Variants in TTC27 observed in about 807,000 individuals in gnomAD.
TTC27 encodes the protein tetratricopeptide repeat protein 27.
A neutral mutation model predicts 115.9 loss-of-function variants in TTC27; 79 were observed. The ratio of observed to expected loss-of-function variants is 0.68; its 90% CI spans 0.57 to 0.82. The LOEUF (loss-of-function observed/expected upper bound fraction) is 0.82. Ranked by LOEUF, TTC27 falls within the 40% of genes least tolerant of loss-of-function variation. The pLI, the probability that TTC27 is intolerant of heterozygous loss-of-function variation, is 0.00. For missense variants in TTC27, 1,054 were observed against 993.1 expected (o/e 1.06, Z -0.82); for synonymous variants, 401 against 356.0 (o/e 1.13, Z -1.42).
At chr2:32,820,392 G>A (rs1671649229) in intron 19 of TTC27, among the ~76,000 whole-genome samples, 1 of 152,100 alleles carries the variant, frequency 6.6e-6, no homozygotes. Context: ...TGGTCTCTGA[G>A]GCCTAAGCGA....
intron 4 of TTC27, among the ~76,000 whole-genome samples, chr2:32,641,694 T>C (rs1021532654): frequency 6.6e-6 from 1 of 152,094 alleles, no homozygotes; most frequent in African/African-American, 2.4e-5. Context: ...CTTTTTTTTT[T>C]CGAGATGGAG....
In TTC27 at chr2:32,784,148, C is replaced by T. The variant is rs944781743; in HGVS notation, c.1832+1470C>T. On this transcript the variant is annotated intron_variant, in intron 15 of 19. Coordinates refer to ENST00000317907, the MANE Select transcript of TTC27 (RefSeq NM_017735.5). ...GAATGATCTCAGTGAGTTTTTCTGG[C>T]AACCCGGATAAGTTTGTACATAGTG... Among the ~76,000 whole-genome samples, 6 of 152,284 alleles carry T rather than the reference C, an allele frequency of 3.9e-5. No individual in the cohort carries two copies. The East Asian group carries it at 1.2e-3, about 29-fold the overall frequency.
At chr2:32,793,784 A>T (rs1444905136) in intron 16 of TTC27, among the ~76,000 whole-genome samples, 2 of 152,130 alleles carry the variant, frequency 1.3e-5, no homozygotes. Flanking sequence ...CGGCCTCCCA[A>T]AGTGCTGGGA....
chr2:32,795,176 G>A (rs2148030172), intron 16 of TTC27, among the ~76,000 whole-genome samples: 1 of 150,180 alleles, frequency 6.7e-6, no homozygotes, highest in Non-Finnish European at 1.5e-5. Context: ...AATCTCTTAT[G>A]AATATTGATG....
intron 13 of TTC27, among the ~76,000 whole-genome samples, chr2:32,777,180 G>A (rs982379629): frequency 6.6e-6 from 1 of 152,220 alleles, no homozygotes; most frequent in Non-Finnish European, 1.5e-5. Context: ...TCTTGGTTAA[G>A]CTGCAGAAGT....
intron 18 of TTC27, among the ~76,000 whole-genome samples, chr2:32,816,505 G>A (rs1671505544): frequency 1.3e-5 from 2 of 152,162 alleles, no homozygotes; most frequent in Non-Finnish European, 2.9e-5. Context: ...CATTATGTTT[G>A]TACAAAGCTC....
intron 10 of TTC27, among the ~76,000 whole-genome samples, chr2:32,711,529 G>A (rs939766386): frequency 6.6e-6 from 1 of 152,142 alleles, no homozygotes; most frequent in Non-Finnish European, 1.5e-5. Flanking sequence ...AGAGGAAAAT[G>A]ATTTTAAAAT....
intron 13 of TTC27, among the ~76,000 whole-genome samples, chr2:32,771,335 A>G (rs1213627285): frequency 8.5e-5 from 13 of 152,188 alleles, no homozygotes; most frequent in Admixed American, 7.9e-4. Flanking sequence ...TAGAAAAACC[A>G]TTGTTGCCCC....
intron 13 of TTC27, among the ~76,000 whole-genome samples, chr2:32,773,258 C>T (rs55827252): frequency 6.6e-6 from 1 of 152,184 alleles, no homozygotes; most frequent in Non-Finnish European, 1.5e-5. Flanking sequence ...GAAATAAGCT[C>T]TGCAGAAATC....
chr2:32,738,513 G>C (rs564748371), intron 12 of TTC27, among the ~76,000 whole-genome samples: 1 of 152,278 alleles, frequency 6.6e-6, no homozygotes, highest in South Asian at 2.1e-4. Context: ...TCAGGTGGCT[G>C]TCCTGTCAGG....
intron 9 of TTC27, among the ~76,000 whole-genome samples, chr2:32,689,362 C>T (rs980920982): frequency 1.3e-5 from 2 of 152,080 alleles, no homozygotes; most frequent in Non-Finnish European, 2.9e-5. Flanking sequence ...TTATTTAGAG[C>T]TATACTATTT....
At chr2:32,646,857 C>A (rs1404094332) in intron 4 of TTC27, among the ~76,000 whole-genome samples, 1 of 151,922 alleles carries the variant, frequency 6.6e-6, no homozygotes. Flanking sequence ...GCCACCGCGC[C>A]CGGCCTCTAT....
intron 13 of TTC27, among the ~76,000 whole-genome samples, chr2:32,760,004 C>T (rs1217312414): frequency 2.0e-5 from 3 of 152,154 alleles, no homozygotes; most frequent in African/African-American, 7.2e-5. Context: ...TTGATGGATA[C>T]TTGGCTTACT....
At chr2:32,756,948 G>A (rs536177356) in intron 12 of TTC27, among the ~76,000 whole-genome samples, 3 of 152,298 alleles carry the variant, frequency 2.0e-5, no homozygotes, top group Non-Finnish European at 4.4e-5. Flanking sequence ...ATTAGCCTGA[G>A]TGATGAGGTA....
intron 12 of TTC27, among the ~76,000 whole-genome samples, chr2:32,740,595 G>T (rs981505740): frequency 3.9e-5 from 6 of 152,004 alleles, no homozygotes; most frequent in Admixed American, 3.9e-4. Context: ...TGTTTCCAGG[G>T]TTAAGTCTGA....
At chr2:32,679,178 G>C (rs17012057) in intron 9 of TTC27, among the ~76,000 whole-genome samples, 10,816 of 152,262 alleles carry the variant, frequency 0.071, 431 homozygotes, top group East Asian at 0.13. Flanking sequence ...GAGACCATGG[G>C]TTAAAAAGAT....
At chr2:32,767,659 C>T (rs1252540185) in intron 13 of TTC27, among the ~76,000 whole-genome samples, 2 of 151,286 alleles carry the variant, frequency 1.3e-5, no homozygotes, top group African/African-American at 4.8e-5. Context: ...GACGGGGTTT[C>T]ACCTTGTTAG....
chr2:32,782,330 T>A (rs1334806042), intron 14 of TTC27, among the ~76,000 whole-genome samples: 1 of 152,204 alleles, frequency 6.6e-6, no homozygotes, highest in African/African-American at 2.4e-5. Context: ...CTATGTACTA[T>A]ATAGAGTATG....
At chr2:32,714,739 C>T (rs1257782201) in intron 10 of TTC27, among the ~76,000 whole-genome samples, 2 of 152,112 alleles carry the variant, frequency 1.3e-5, no homozygotes, top group Non-Finnish European at 2.9e-5. Flanking sequence ...TTTTCCACAA[C>T]CTCTTTAGCA....
Sources: allele counts gnomAD v4.1 joint callset (sites outside exome capture counted in the v4.1 genomes callset), GRCh38; gene constraint gnomAD v4.1.1; transcripts MANE v1.5; gene names NCBI Gene and HGNC (gene_info 2026-07-23, HGNC 2026-07-21).